Variants in PLXNA2 observed in about 807,000 individuals in gnomAD.
The protein encoded by PLXNA2 is plexin A2.
A neutral mutation model predicts 193.5 loss-of-function variants in PLXNA2; 91 were observed. The ratio of observed to expected loss-of-function variants is 0.47; its 90% CI spans 0.40 to 0.56. PLXNA2 has a LOEUF of 0.56. PLXNA2 is among the 20% of genes least tolerant of loss of function. PLXNA2 has a pLI of 0.00. For missense variants in PLXNA2, 1,995 were observed against 2,503.2 expected (o/e 0.80, Z 4.33); for synonymous variants, 997 against 1,027.3 (o/e 0.97, Z 0.56).
intron 3 of PLXNA2, among the ~76,000 whole-genome samples, chr1:208,204,856 A>G (rs1432203678): frequency 7.9e-5 from 12 of 152,192 alleles, no homozygotes; most frequent in African/African-American, 2.9e-4. Context: ...AAGGGACAGA[A>G]TAAAGGACAT....
At chr1:208,233,036 C>T (rs1428264556) in intron 1 of PLXNA2, among the ~76,000 whole-genome samples, 1 of 152,184 alleles carries the variant, frequency 6.6e-6, no homozygotes. Context: ...ATCTTCTAGC[C>T]TCTGCTTGAA....
chr1:208,221,856 C>T (rs911562482), intron 1 of PLXNA2, among the ~76,000 whole-genome samples: 4 of 152,130 alleles, frequency 2.6e-5, no homozygotes, highest in Non-Finnish European at 4.4e-5. Context: ...GGTGCCTGGA[C>T]GCAAATGGAG....
intron 1 of PLXNA2, among the ~76,000 whole-genome samples, chr1:208,226,702 C>A (rs1671522013): frequency 1.3e-5 from 2 of 152,202 alleles, no homozygotes; most frequent in Non-Finnish European, 2.9e-5. Flanking sequence ...CTAAAGGTCG[C>A]CACCCGGGCA....
At chr1:208,120,292 A>G (rs1248873995) in intron 4 of PLXNA2, among the ~76,000 whole-genome samples, 1 of 152,258 alleles carries the variant, frequency 6.6e-6, no homozygotes. Context: ...AGATACTGAG[A>G]TGTGAAAATT....
At chr1:208,127,722 CAA>C (rs927973580) in intron 4 of PLXNA2, among the ~76,000 whole-genome samples, 10 of 152,282 alleles carry the variant, frequency 6.6e-5, no homozygotes, top group East Asian at 1.9e-4. Context: ...GATGAGGGGC[CAA>C]GAGAGAGAGT....
chr1:208,031,531 C>G (rs1664502716), intron 29 of PLXNA2, 59 bp downstream of exon 29: 1 of 1,588,580 alleles, frequency 6.3e-7, no homozygotes, highest in East Asian at 2.2e-5. Context: ...TGGTCCTCAT[C>G]CCTCTTAGCT....
intron 13 of PLXNA2, among the ~76,000 whole-genome samples, chr1:208,058,931 G>T (rs187586425): frequency 6.6e-6 from 1 of 152,134 alleles, no homozygotes; most frequent in South Asian, 2.1e-4. Flanking sequence ...TCTAAAACAC[G>T]GTTTCATTCC....
At position 208,086,068 on chromosome 1, in the gene PLXNA2, C is replaced by T. The variant is rs1666510167; in HGVS notation, c.2098-1488G>A. Among the ~76,000 whole-genome samples the T allele has an allele frequency of 3.9e-5, 6 of 152,210 alleles. No homozygotes were observed. The South Asian group carries it at 1.2e-3, about 32-fold the overall frequency. On this transcript the variant is annotated intron_variant, in intron 9 of 31. Transcript: ENST00000367033. Reference sequence around the variant, plus strand: ...TGCAAGGCCGTCCCTGCCCCTGCCCCTGCACTGGCTTCAGGATGAGTTATG... The same window carrying T: ...TGCAAGGCCGTCCCTGCCCCTGCCCTTGCACTGGCTTCAGGATGAGTTATG...
chr1:208,060,426 G>C lies in PLXNA2; in HGVS notation c.2738+260C>G, dbSNP rs534257200. ...AAATGCTCAGTCACACTGGCGGGCA[G>C]GCAAAGACTGAATGAGGGACGGTCA... On this transcript the variant is annotated intron_variant, in intron 13 of 31. Transcript: ENST00000367033. Among the ~76,000 whole-genome samples, 5 of 152,278 alleles carry C rather than the reference G, an allele frequency of 3.3e-5. No individual in the cohort carries two copies. The South Asian group carries it at 1.0e-3, about 32-fold the overall frequency.
At chr1:208,188,543 T>A (rs1670076828) in intron 3 of PLXNA2, among the ~76,000 whole-genome samples, 1 of 151,948 alleles carries the variant, frequency 6.6e-6, no homozygotes, top group Non-Finnish European at 1.5e-5. Flanking sequence ...ATCCCATCTC[T>A]ACTAAAAATA....
At position 208,217,175 on chromosome 1, in the gene PLXNA2, C is replaced by CA. The variant is rs1275513434; in HGVS notation, c.747dup (p.Gly250TrpfsTer15). On this transcript the variant is annotated frameshift_variant, in exon 2 of 32. Coordinates refer to ENST00000367033, the MANE Select transcript of PLXNA2 (RefSeq NM_025179.4). LOFTEE classifies it high-confidence loss of function. This position sits in a 1 kb window ranked among gnomAD's most constrained non-coding sequence, Gnocchi z 4.7. The stretch of plus-strand genomic sequence containing the variant: ...ACAGTGAGAAAGTAGACAAAGCCCC[C>CA]ACTAGCAAAGCCGTAGATGTAGAAG... 2.5e-6 allele frequency: 4 copies of CA among 1,614,176 alleles called. No homozygotes were observed. Among genetic ancestry groups the CA allele is most frequent in the Non-Finnish European group, 3.4e-6 (4 of 1,180,038 alleles).
chr1:208,163,907 A>T (rs995154400), intron 3 of PLXNA2, among the ~76,000 whole-genome samples: 1 of 152,142 alleles, frequency 6.6e-6, no homozygotes, highest in South Asian at 2.1e-4. Flanking sequence ...TCTGGGCCAG[A>T]TGCCCTTCTC....
rs771845868 is a variant in PLXNA2 at position 208,219,655 on chromosome 1, C to T, written c.-80-1653G>A. 3.9e-5 allele frequency among the ~76,000 whole-genome samples: 6 copies of T among 152,314 alleles called. No homozygotes were observed. The East Asian group carries it at 7.7e-4, about 20-fold the overall frequency. On this transcript the variant is annotated intron_variant, in intron 1 of 31. Coordinates refer to ENST00000367033, the MANE Select transcript of PLXNA2 (RefSeq NM_025179.4). ...GAATCCCCTAGAGTTTCTTTAGGAACGACCCTTCCTCTTGTTCAGTTCTGC... is the reference window on the plus strand; with the variant it reads ...GAATCCCCTAGAGTTTCTTTAGGAATGACCCTTCCTCTTGTTCAGTTCTGC...
intron 3 of PLXNA2, among the ~76,000 whole-genome samples, chr1:208,185,696 C>CAAAAAAAAAAAAAAAAAAAAA (rs56384277): frequency 3.3e-4 from 19 of 57,236 alleles, no homozygotes; most frequent in African/African-American, 5.0e-4. Context: ...TCTCTGAAAG[C>CAAAAAAAAAAAAAAAAAAAAA]AAAAAAAAAA....
At chr1:208,034,141 G>T (rs1664596118) in intron 27 of PLXNA2, among the ~76,000 whole-genome samples, 1 of 152,228 alleles carries the variant, frequency 6.6e-6, no homozygotes, top group Non-Finnish European at 1.5e-5. Context: ...GAGTAAAAGG[G>T]GGCACTCTTA....
At chr1:208,154,544 A>G (rs1192157323) in intron 3 of PLXNA2, among the ~76,000 whole-genome samples, 3 of 152,200 alleles carry the variant, frequency 2.0e-5, no homozygotes, top group Non-Finnish European at 4.4e-5. Context: ...ACTAAGACCA[A>G]GGGAGCTACA....
chr1:208,064,904 CTG>C lies in PLXNA2; in HGVS notation c.2587-4069_2587-4068del, dbSNP rs1162890315. On this transcript the variant is annotated intron_variant, in intron 12 of 31. Transcript: ENST00000367033. ...CAGCCCCGCCCAACACACACAGAGA[CTG>C]TGTCCCCAGGGCTCTCTCTTAAAAG... 3.9e-5 allele frequency among the ~76,000 whole-genome samples: 6 copies of C among 152,096 alleles called. No homozygotes were observed. The East Asian group carries it at 1.2e-3, about 29-fold the overall frequency.
At chr1:208,117,561 G>A (rs1667676411) in intron 4 of PLXNA2, among the ~76,000 whole-genome samples, 1 of 152,200 alleles carries the variant, frequency 6.6e-6, no homozygotes. Context: ...CGGCCAAGAG[G>A]ACAGTGTCCA....
chr1:208,053,643 G>A (rs1555947), intron 14 of PLXNA2, among the ~76,000 whole-genome samples: 1,873 of 152,312 alleles, frequency 0.012, 37 homozygotes, highest in African/African-American at 0.043. Context: ...TAGTGTTAAT[G>A]CCTTTTAATG....
Sources: gnomAD v4.1 joint callset for allele counts (sites outside exome capture counted in the v4.1 genomes callset) on GRCh38, gnomAD v4.1.1 for gene constraint, Gnocchi (gnomAD v3.1) non-coding constraint, MANE v1.5 for transcripts, NCBI Gene and HGNC (gene_info 2026-07-23, HGNC 2026-07-21) for gene names.